PER3: variants seen among roughly 807,000 people sequenced by gnomAD.
PER3 encodes the protein period circadian regulator 3.
Under a neutral mutation model 127.2 loss-of-function variants are expected in PER3, and 107 were observed. That is an observed-to-expected ratio of 0.84 (90% confidence interval 0.72 to 0.99). PER3 has a LOEUF of 0.99. Among genes scored for constraint, PER3 ranks in the 50% least tolerant of loss-of-function variants. The pLI, the probability that PER3 is intolerant of heterozygous loss-of-function variation, is 0.00. For missense variants in PER3, 1,560 were observed against 1,525.8 expected (o/e 1.02, Z -0.37); for synonymous variants, 618 against 585.8 (o/e 1.05, Z -0.79).
At chr1:7,805,344 G>C (rs1347695040) in intron 10 of PER3, among the ~76,000 whole-genome samples, 1 of 152,138 alleles carries the variant, frequency 6.6e-6, no homozygotes, top group African/African-American at 2.4e-5. Flanking sequence ...ATGAACCTGA[G>C]AACAGTAGAT....
At chr1:7,792,209 AC>A (rs2097124936) in intron 5 of PER3, among the ~76,000 whole-genome samples, 1 of 152,190 alleles carries the variant, frequency 6.6e-6, no homozygotes, top group Admixed American at 6.5e-5. Context: ...ATCATGGCAG[AC>A]GGGGACATGT....
Position 7,801,183 on chromosome 1 carries a change from A to C in PER3, c.864A>C (p.Val288=), listed in dbSNP as rs1451336589. 1.9e-6 allele frequency: 3 copies of C among 1,569,254 alleles called. No individual in the cohort carries two copies. The highest frequency in any genetic ancestry group is 2.6e-6 in the Non-Finnish European group (3 of 1,145,910). Residue 288 remains valine, a synonymous_variant, in exon 8 of 22, where the codon GTA becomes GTC. Transcript: ENST00000377532. Reference sequence around the variant, plus strand: ...CCCCAGGGTGTGTTTTTCTTGAAGTAGATGAAAAGTAAGTACTTCTTTAAG... The same window carrying C: ...CCCCAGGGTGTGTTTTTCTTGAAGTCGATGAAAAGTAAGTACTTCTTTAAG... ...THTPGCVFLE[V]DEKAVPLLGY...
rs975976154 is a variant in PER3 at position 7,834,109 on chromosome 1, G to A, written c.3215-1653G>A. On this transcript the variant is annotated intron_variant, in intron 19 of 21. Coordinates refer to ENST00000377532, the MANE Select transcript of PER3 (RefSeq NM_001377275.1). ...AATTTTTTGTATTTTTAGTATAGAC[G>A]GAGTTTCACCATGTCAGCCAGACTG... Among the ~76,000 whole-genome samples the A allele has an allele frequency of 3.0e-4, 46 of 151,946 alleles. 1 individual carries two copies. The highest frequency in any genetic ancestry group is 1.9e-4 in the East Asian group (1 of 5,162).
chr1:7,833,274 TA>T (rs2151230443), intron 19 of PER3, among the ~76,000 whole-genome samples: 2 of 152,362 alleles, frequency 1.3e-5, no homozygotes, highest in South Asian at 4.1e-4. Flanking sequence ...TCTGTAAATG[TA>T]AATTAGATCA....
intron 21 of PER3, among the ~76,000 whole-genome samples, chr1:7,839,088 C>T (rs2097371862): frequency 6.6e-6 from 1 of 152,078 alleles, no homozygotes; most frequent in South Asian, 2.1e-4. Flanking sequence ...ATGCCCTGCT[C>T]ATTTCCTGTT....
At chr1:7,822,533 G>A (rs1018209175) in intron 16 of PER3, among the ~76,000 whole-genome samples, 46 of 152,120 alleles carry the variant, frequency 3.0e-4, no homozygotes, top group African/African-American at 1.0e-3. Context: ...GATTACAGGC[G>A]TGAGCCACAG....
At chr1:7,785,920 C>G (rs955561153) in intron 3 of PER3, among the ~76,000 whole-genome samples, 9 of 152,260 alleles carry the variant, frequency 5.9e-5, no homozygotes, top group Non-Finnish European at 8.8e-5. Flanking sequence ...AAAATGCATT[C>G]CACGAAATAG....
intron 16 of PER3, among the ~76,000 whole-genome samples, chr1:7,824,270 A>T (rs2097291235): frequency 6.6e-6 from 1 of 152,224 alleles, no homozygotes; most frequent in Non-Finnish European, 1.5e-5. Flanking sequence ...TAATAAAGAC[A>T]AAAGCAAAAA....
At chr1:7,793,898 G>A in intron 5 of PER3, 59 bp from the exon 6 acceptor site, 4 of 1,386,180 alleles carry the variant, frequency 2.9e-6, no homozygotes, top group Non-Finnish European at 4.1e-6. Context: ...GTGCAACATT[G>A]TTTCACTGAG....
intron 2 of PER3, 150 bp downstream of exon 2, chr1:7,785,155 C>T: frequency 1.1e-6 from 1 of 884,136 alleles, no homozygotes; most frequent in Non-Finnish European, 1.7e-6. Flanking sequence ...ATGAAGTGAT[C>T]CGTGACACTG....
chr1:7,827,762 C>G lies in PER3; in HGVS notation c.2833C>G (p.Pro945Ala), dbSNP rs368825146. 6.2e-7 allele frequency: 1 copy of G among 1,613,918 alleles called. No individual in the cohort carries two copies. The highest frequency in any genetic ancestry group is 1.3e-5 in the African/African-American group (1 of 74,930). Residue 945 changes from proline (P) to alanine (A), a missense_variant, in exon 18 of 22, where the codon CCC (proline) becomes GCC (alanine). Around this residue, in one of 3 missense-constraint regions of PER3, gnomAD observed 1,332 missense variants for 1,223.6 expected, o/e 1.09. Coordinates refer to ENST00000377532, the MANE Select transcript of PER3 (RefSeq NM_001377275.1). ...CTTACTTCAGGAAGAGATGCCCAGACCCTCTGAATCTCCAGATCAGATGAG... is the reference window on the plus strand; with the variant it reads ...CTTACTTCAGGAAGAGATGCCCAGAGCCTCTGAATCTCCAGATCAGATGAG... Reference protein sequence around the residue: ...LNLLQEEMPRPSESPDQMRRN... With the variant: ...LNLLQEEMPRASESPDQMRRN...
chr1:7,820,350 C>T (rs2097270460), intron 15 of PER3, 111 bp downstream of exon 15: 3 of 1,389,392 alleles, frequency 2.2e-6, no homozygotes, highest in East Asian at 4.7e-5. Context: ...TTCATATTAC[C>T]TCTTTATGAC....
Position 7,842,673 on chromosome 1 carries a change from C to A in PER3, c.3551C>A (p.Ala1184Asp). Residue 1184 changes from alanine to aspartate, a missense_variant and splice_region_variant, in exon 22 of 22, where the codon GCC becomes GAC. This residue lies in a region of PER3 where 199 missense variants were observed against 198.6 expected (regional missense o/e 1.00). Transcript: ENST00000377532. ...QTVTQEIDIQ[A>D]CVTCENEDSA... ...CGCCTGCTTTGTTCTTTTTTGGAGG[C>A]CTGTGTCACTTGTGAAAATGAAGAT... 6.2e-7 allele frequency: 1 copy of A among 1,612,986 alleles called. No individual in the cohort carries two copies. The highest frequency in any genetic ancestry group is 8.5e-7 in the Non-Finnish European group (1 of 1,179,224).
intron 20 of PER3, 115 bp from the exon 21 acceptor site, chr1:7,836,884 G>A (rs923502112): frequency 4.0e-5 from 27 of 673,022 alleles, no homozygotes; most frequent in Non-Finnish European, 6.0e-5. Flanking sequence ...TATGCCTCAT[G>A]TGTTAGAAAA....
In PER3 at chr1:7,829,927, CCT is replaced by C; in HGVS notation, c.2981_2982del (p.Pro994HisfsTer88). Reference protein sequence around the residue: ...GSPPRENPSHPTASALSTGSP... With the variant: ...GSPPRENPSHXTASALSTGSP... Reference sequence around the variant, plus strand: ...ACCTCCCAGGGAGAATCCATCCCATCCTACTGCCAGCGCTCTGTCCACAGGAT... The same window carrying C: ...ACCTCCCAGGGAGAATCCATCCCATCACTGCCAGCGCTCTGTCCACAGGAT... On this transcript the variant is annotated frameshift_variant, in exon 19 of 22. Coordinates refer to ENST00000377532, the MANE Select transcript of PER3 (RefSeq NM_001377275.1). LOFTEE classifies it high-confidence loss of function. 4.6e-6 allele frequency: 6 copies of C among 1,297,630 alleles called. No homozygotes were observed. Among genetic ancestry groups the C allele is most frequent in the Non-Finnish European group, 5.0e-6 (5 of 1,008,682 alleles). 80.4% of individuals were successfully genotyped at this position (1,297,630 alleles called of 1,614,324 possible).
Position 7,827,497 on chromosome 1 carries a change from G to A in PER3, c.2568G>A (p.Met856Ile), listed in dbSNP as rs1469774466. The A allele has an allele frequency of 1.2e-6, 2 of 1,614,192 alleles. No individual in the cohort carries two copies. The highest frequency in any genetic ancestry group is 1.1e-5 in the South Asian group (1 of 91,066). ...CTTTTCCTTACTTGGATACTTTTAT[G>A]ACCGTTTTCCTGCCTGACCCCCCTG... is the stretch of plus-strand genomic sequence containing the variant. Reference protein sequence around the residue: ...AFPFPYLDTFMTVFLPDPPVC... With the variant: ...AFPFPYLDTFITVFLPDPPVC... Residue 856 changes from methionine (M) to isoleucine (I), a missense_variant, in exon 18 of 22, where the codon ATG becomes ATA. Around this residue, in one of 3 missense-constraint regions of PER3, gnomAD observed 1,332 missense variants for 1,223.6 expected, o/e 1.09. Transcript: ENST00000377532.
chr1:7,795,910 A>T (rs978834922), intron 6 of PER3, among the ~76,000 whole-genome samples: 1 of 152,180 alleles, frequency 6.6e-6, no homozygotes, highest in Non-Finnish European at 1.5e-5. Context: ...CCCTCTTCCC[A>T]GGTTACCAGA....
intron 11 of PER3, among the ~76,000 whole-genome samples, chr1:7,809,536 G>A (rs1364088790): frequency 2.0e-5 from 3 of 152,102 alleles, no homozygotes; most frequent in South Asian, 2.1e-4. Context: ...TACCTGCCAC[G>A]TTCTTGGAAA....
chr1:7,827,487 A>G lies in PER3; in HGVS notation c.2558A>G (p.Asp853Gly), dbSNP rs1329566328. 3.1e-6 allele frequency: 5 copies of G among 1,614,178 alleles called. No homozygotes were observed. Among genetic ancestry groups the G allele is most frequent in the Non-Finnish European group, 8.5e-7 (1 of 1,180,034 alleles). The part of the protein sequence containing the change: ...PYPAFPFPYL[D>G]TFMTVFLPDP... ...CCAGCTTTCCCTTTTCCTTACTTGGATACTTTTATGACCGTTTTCCTGCCT... is the reference window on the plus strand; with the variant it reads ...CCAGCTTTCCCTTTTCCTTACTTGGGTACTTTTATGACCGTTTTCCTGCCT... Residue 853 changes from aspartate to glycine, a missense_variant, in exon 18 of 22, where the codon GAT (aspartate) becomes GGT (glycine). By Grantham distance (94) the Asp-to-Gly change is moderately conservative. Coordinates refer to ENST00000377532, the MANE Select transcript of PER3 (RefSeq NM_001377275.1).
Sources: gnomAD v4.1 joint callset for allele counts (sites outside exome capture counted in the v4.1 genomes callset) on GRCh38, gnomAD v4.1.1 for gene constraint, gnomAD v4.1.1 regional missense constraint, MANE v1.5 for transcripts, NCBI Gene and HGNC (gene_info 2026-07-23, HGNC 2026-07-21) for gene names.